Variants in POU2F2 observed in about 807,000 individuals in gnomAD.
The protein encoded by POU2F2 is POU class 2 homeobox 2, also known as POU domain, class 2, transcription factor 2.
POU2F2 carries 14 observed loss-of-function variants against 63.5 expected under a neutral mutation model. The observed-to-expected ratio is 0.22, with a 90% CI of 0.15 to 0.34. POU2F2 has a LOEUF of 0.34. POU2F2 is among the 10% of genes least tolerant of loss of function. The pLI is 1.00. For missense variants in POU2F2, 607 were observed against 815.2 expected, an observed-to-expected ratio of 0.74 and a Z score of 3.11; for synonymous variants, 306 against 348.6, an observed-to-expected ratio of 0.88 and a Z score of 1.36.
intron 5 of POU2F2, among the ~76,000 whole-genome samples, chr19:42,112,015 G>GA (rs982783342): frequency 2.0e-5 from 3 of 152,126 alleles, no homozygotes; most frequent in African/African-American, 7.2e-5. Context: ...TCAACAGGGA[G>GA]AAAAAAATAC....
In POU2F2 at chr19:42,095,103, T is replaced by G. The variant is rs933915349; in HGVS notation, c.1197+183A>C. Among the ~76,000 whole-genome samples, 1 of 152,304 alleles carries G rather than the reference T, an allele frequency of 6.6e-6. No individual in the cohort carries two copies. Among genetic ancestry groups the G allele is most frequent in the East Asian group, 1.9e-4 (1 of 5,184 alleles). ...TCTAGGGGTGCTTGTATCCCCCATG[T>G]AAGACCACAGTTCCCTGGAAACCGT... On this transcript the variant is annotated intron_variant, in intron 11 of 14. Transcript: ENST00000692977. This position sits in a 1 kb window ranked among gnomAD's most constrained non-coding sequence, Gnocchi z 7.1.
intron 5 of POU2F2, among the ~76,000 whole-genome samples, chr19:42,107,023 T>A (rs1288197793): frequency 6.6e-6 from 1 of 151,628 alleles, no homozygotes; most frequent in Non-Finnish European, 1.5e-5. Flanking sequence ...GAGACACCCG[T>A]CTCCAAAAAA....
At chr19:42,193,758 G>C (rs951947653) in intron 1 of POU2F2, among the ~76,000 whole-genome samples, 2 of 152,142 alleles carry the variant, frequency 1.3e-5, no homozygotes, top group Non-Finnish European at 2.9e-5. Context: ...TCTATTTCCA[G>C]GTATATCCCT....
upstream of POU2F2, among the ~76,000 whole-genome samples, chr19:42,178,552 A>T (rs1224486092): frequency 6.6e-6 from 1 of 152,196 alleles, no homozygotes; most frequent in African/African-American, 2.4e-5. Flanking sequence ...AGAGCCGTTG[A>T]AAGAGCCGTT....
intron 1 of POU2F2, among the ~76,000 whole-genome samples, chr19:42,185,408 C>T (rs2035002328): frequency 6.6e-6 from 1 of 152,150 alleles, no homozygotes; most frequent in South Asian, 2.1e-4. Flanking sequence ...CTGCTTCAAA[C>T]TCTTACTTCC....
At chr19:42,130,111 C>G (rs1005323223) in intron 1 of POU2F2, among the ~76,000 whole-genome samples, 4 of 152,130 alleles carry the variant, frequency 2.6e-5, no homozygotes, top group African/African-American at 9.7e-5. Flanking sequence ...GCCAGACACA[C>G]GTAAAAAGTA....
chr19:42,132,213 G>A (rs1158781808), intron 1 of POU2F2, among the ~76,000 whole-genome samples, 171 bp downstream of exon 1: 1 of 152,250 alleles, frequency 6.6e-6, no homozygotes, highest in African/African-American at 2.4e-5. Context: ...AGAGGGCAAA[G>A]AGGAGCTGTG....
chr19:42,191,073 CAA>C (rs200638271), intron 1 of POU2F2, among the ~76,000 whole-genome samples: 37 of 72,088 alleles, frequency 5.1e-4, no homozygotes, highest in Non-Finnish European at 7.2e-4. Context: ...GACTCAGTTT[CAA>C]AAAAAAAAAA....
Position 42,153,763 on chromosome 19 carries a change from T to C in POU2F2, c.-9+6569A>G, listed in dbSNP as rs371975993. On this transcript the variant is annotated intron_variant, in intron 2 of 6. Transcript: ENST00000524801. The surrounding 1 kb of genome is among the most constrained non-coding windows in gnomAD (Gnocchi z 5.6). ...TGTCCCTGTGTGTGTCATGGTGACT[T>C]GGTGTAGACGGCACGGTGTATGTGT... is the stretch of plus-strand genomic sequence containing the variant. 2.5e-3 allele frequency among the ~76,000 whole-genome samples: 388 copies of C among 152,188 alleles called. 1 individual carries two copies. The highest frequency in any genetic ancestry group is 9.0e-3 in the African/African-American group (375 of 41,500).
intron 5 of POU2F2, among the ~76,000 whole-genome samples, chr19:42,100,708 G>A (rs1286351154): frequency 6.6e-6 from 1 of 151,882 alleles, no homozygotes; most frequent in African/African-American, 2.4e-5. Flanking sequence ...CCGAGATCAC[G>A]CCCCTTCACT....
intron 5 of POU2F2, among the ~76,000 whole-genome samples, chr19:42,113,932 A>G (rs1291897265): frequency 2.6e-5 from 4 of 152,178 alleles, no homozygotes; most frequent in Admixed American, 6.5e-5. Flanking sequence ...CACAGTGCCC[A>G]TAGGAGGTGC....
At position 42,091,354 on chromosome 19, in the gene POU2F2, G is replaced by C; in HGVS notation, c.1778C>G (p.Ser593Cys). 6.5e-7 allele frequency: 1 copy of C among 1,537,652 alleles called. No homozygotes were observed. Among genetic ancestry groups the C allele is most frequent in the Non-Finnish European group, 8.7e-7 (1 of 1,146,840 alleles). ...GGAGGAGGAGGAGGATGAGGATGAA[G>C]AGGATGAGGAGGAGAGGCCAGGAGA... ...SKSPGLSSSS[S>C]SSSSSSSSTC... The change falls in exon 15 of 15, where the codon TCT becomes TGT. Residue 593 changes from serine to cysteine, a missense_variant. Physicochemically the swap from Ser to Cys is moderately radical, Grantham distance 112 (BLOSUM62 -1). Coordinates refer to ENST00000692977, the MANE Select transcript of POU2F2 (RefSeq NM_001394376.1).
chr19:42,101,843 G>A (rs1202463354), intron 5 of POU2F2, among the ~76,000 whole-genome samples: 1 of 152,182 alleles, frequency 6.6e-6, no homozygotes, highest in African/African-American at 2.4e-5. Flanking sequence ...TGGGCATGGT[G>A]GTGGGTGCCT....
chr19:42,149,913 A>T (rs2034307581), intron 2 of POU2F2, among the ~76,000 whole-genome samples: 1 of 152,106 alleles, frequency 6.6e-6, no homozygotes, highest in Non-Finnish European at 1.5e-5. Flanking sequence ...CTTTTCCTGC[A>T]CCCAGCTGCC....
Position 42,149,850 on chromosome 19 carries a change from C to T in POU2F2, c.-9+10482G>A, listed in dbSNP as rs11880214. ...GTCCCCATCCCTGAAGGGGCTGCTC[C>T]GGGCAGAGCTGAGACTGACACATGG... On this transcript the variant is annotated intron_variant, in intron 2 of 6. Transcript: ENST00000524801. Among the ~76,000 whole-genome samples the T allele has an allele frequency of 1.1e-3, 171 of 152,256 alleles. 1 individual carries two copies. The highest frequency in any genetic ancestry group is 0.01 in the Middle Eastern group (3 of 294).
intron 2 of POU2F2, among the ~76,000 whole-genome samples, chr19:42,149,987 C>T (rs2034309431): frequency 6.6e-6 from 1 of 152,338 alleles, no homozygotes; most frequent in Admixed American, 6.5e-5. Context: ...GGACTGAGAG[C>T]TGAAGTGCTG....
chr19:42,174,647 C>T (rs1027812208), intron 1 of POU2F2, among the ~76,000 whole-genome samples: 5 of 152,036 alleles, frequency 3.3e-5, no homozygotes, highest in African/African-American at 1.2e-4. Flanking sequence ...CCAGCACACA[C>T]AGTTAGTCCT....
At chr19:42,103,550 C>G (rs1391270743) in intron 5 of POU2F2, among the ~76,000 whole-genome samples, 3 of 151,850 alleles carry the variant, frequency 2.0e-5, no homozygotes, top group African/African-American at 7.3e-5. Context: ...GCTATTATTC[C>G]TAAAGACCAA....
chr19:42,184,941 T>C (rs1262151971), intron 1 of POU2F2, among the ~76,000 whole-genome samples: 2 of 152,126 alleles, frequency 1.3e-5, no homozygotes, highest in African/African-American at 2.4e-5. Context: ...ACATGTCTAA[T>C]CTAATCATGT....
Sources: gnomAD v4.1 joint callset for allele counts (sites outside exome capture counted in the v4.1 genomes callset) on GRCh38, gnomAD v4.1.1 for gene constraint, Gnocchi (gnomAD v3.1) non-coding constraint, MANE v1.5 for transcripts, NCBI Gene and HGNC (gene_info 2026-07-23, HGNC 2026-07-21) for gene names.